PDZRN4: variants seen among roughly 807,000 people sequenced by gnomAD.
PDZRN4 encodes PDZ domain-containing RING finger protein 4.
A neutral mutation model predicts 99.0 loss-of-function variants in PDZRN4; 70 were observed. The ratio of observed to expected loss-of-function variants is 0.71; its 90% confidence interval spans 0.58 to 0.86. PDZRN4 has a LOEUF of 0.86. Among genes scored for constraint, PDZRN4 ranks in the 40% least tolerant of loss-of-function variants. The pLI is 0.00. For missense variants in PDZRN4, 1,474 were observed against 1,331.2 expected (o/e 1.11, Z -1.67); for synonymous variants, 551 against 501.6 (o/e 1.10, Z -1.32).
intron 3 of PDZRN4, among the ~76,000 whole-genome samples, chr12:41,208,994 T>G (rs1364215859): frequency 6.6e-6 from 1 of 152,010 alleles, no homozygotes; most frequent in African/African-American, 2.4e-5. Context: ...AGAAAGTGCT[T>G]AACATGGTTA....
intron 3 of PDZRN4, among the ~76,000 whole-genome samples, chr12:41,211,155 T>G (rs1307120427): frequency 6.6e-6 from 1 of 152,006 alleles, no homozygotes. Flanking sequence ...CTGCCAGAGT[T>G]GCCACACAAG....
At chr12:41,292,494 G>A (rs1406895458) in intron 3 of PDZRN4, among the ~76,000 whole-genome samples, 2 of 152,142 alleles carry the variant, frequency 1.3e-5, no homozygotes, top group Non-Finnish European at 2.9e-5. Context: ...ACCATTTGAG[G>A]TTTTTTCTTG....
chr12:41,543,105 T>C (rs983684596), intron 5 of PDZRN4, among the ~76,000 whole-genome samples: 1 of 152,176 alleles, frequency 6.6e-6, no homozygotes, highest in African/African-American at 2.4e-5. Context: ...TAGCCAACAC[T>C]GAACTTCTCA....
intron 3 of PDZRN4, among the ~76,000 whole-genome samples, chr12:41,459,375 A>C (rs1952848723): frequency 6.6e-6 from 1 of 152,152 alleles, no homozygotes; most frequent in African/African-American, 2.4e-5. Flanking sequence ...GTGCAGCTTA[A>C]AGAGTAGTTG....
At chr12:41,190,192 C>T (rs1481544947) in intron 1 of PDZRN4, among the ~76,000 whole-genome samples, 2 of 152,156 alleles carry the variant, frequency 1.3e-5, no homozygotes, top group Admixed American at 6.5e-5. Flanking sequence ...CTAACTCAGG[C>T]ACTGAGTTTA....
chr12:41,290,232 G>T (rs73122814), intron 3 of PDZRN4, among the ~76,000 whole-genome samples: 249 of 152,268 alleles, frequency 1.6e-3, no homozygotes, highest in Non-Finnish European at 3.0e-3. Flanking sequence ...AGGGAAGACA[G>T]ATTTTTAATA....
chr12:41,526,581 A>G (rs1271978859), intron 5 of PDZRN4, among the ~76,000 whole-genome samples: 1 of 152,212 alleles, frequency 6.6e-6, no homozygotes, highest in Non-Finnish European at 1.5e-5. Flanking sequence ...ATTAAACATA[A>G]ACACAAATTG....
intron 3 of PDZRN4, among the ~76,000 whole-genome samples, chr12:41,452,424 G>T (rs1239157660): frequency 6.9e-6 from 1 of 144,498 alleles, no homozygotes; most frequent in African/African-American, 2.6e-5. Context: ...GGGCGACAAA[G>T]TGAGCCTCCG....
At chr12:41,568,296 A>C (rs1198842293) in intron 9 of PDZRN4, among the ~76,000 whole-genome samples, 1 of 152,190 alleles carries the variant, frequency 6.6e-6, no homozygotes, top group Non-Finnish European at 1.5e-5. Context: ...CTATTTGAAT[A>C]CTTAGGCTAT....
chr12:41,377,596 G>A (rs192894138), intron 3 of PDZRN4, among the ~76,000 whole-genome samples: 22 of 152,050 alleles, frequency 1.4e-4, no homozygotes, highest in African/African-American at 4.1e-4. Flanking sequence ...CCCAGGAGGC[G>A]GAGCTTGCAG....
intron 5 of PDZRN4, among the ~76,000 whole-genome samples, chr12:41,541,449 C>CTT (rs66828349): frequency 1.5e-5 from 2 of 137,370 alleles, no homozygotes; most frequent in Non-Finnish European, 1.6e-5. Flanking sequence ...TTCTTCTAGA[C>CTT]TTTTTTTTTT....
chr12:41,442,858 A>C (rs969870673), intron 3 of PDZRN4, among the ~76,000 whole-genome samples: 1 of 152,124 alleles, frequency 6.6e-6, no homozygotes, highest in African/African-American at 2.4e-5. Context: ...CAGATGGGTA[A>C]TGAGAAAGGC....
At chr12:41,275,237 T>C (rs1951342990) in intron 3 of PDZRN4, among the ~76,000 whole-genome samples, 1 of 152,162 alleles carries the variant, frequency 6.6e-6, no homozygotes, top group African/African-American at 2.4e-5. Context: ...AAGTCCGTAT[T>C]TCAGATAGCC....
At chr12:41,228,797 G>T (rs920875982) in intron 3 of PDZRN4, among the ~76,000 whole-genome samples, 2 of 151,954 alleles carry the variant, frequency 1.3e-5, no homozygotes, top group African/African-American at 4.8e-5. Flanking sequence ...CTATTTCTAT[G>T]AAATTCAATA....
At chr12:41,220,455 G>T (rs964685215) in intron 3 of PDZRN4, among the ~76,000 whole-genome samples, 1 of 152,110 alleles carries the variant, frequency 6.6e-6, no homozygotes, top group African/African-American at 2.4e-5. Flanking sequence ...AGGATTAAGG[G>T]TTTCAACATA....
At chr12:41,475,149 C>T (rs1042664695) in intron 3 of PDZRN4, among the ~76,000 whole-genome samples, 1 of 152,040 alleles carries the variant, frequency 6.6e-6, no homozygotes, top group African/African-American at 2.4e-5. Flanking sequence ...ATCCTCATTG[C>T]CTAACACAGC....
chr12:41,188,865 C>T lies in PDZRN4; in HGVS notation c.410C>T (p.Pro137Leu). 1.7e-6 allele frequency: 2 copies of T among 1,186,692 alleles called. No homozygotes were observed. Among genetic ancestry groups the T allele is most frequent in the Non-Finnish European group, 2.1e-6 (2 of 959,454 alleles). The allele number at this position is 1,186,692 out of a possible 1,614,324, so 73.5% of individuals were successfully genotyped here. The change falls in exon 1 of 10, where the codon CCC (proline) becomes CTC (leucine). Residue 137 changes from proline to leucine, a missense_variant. Coordinates refer to ENST00000402685, the MANE Select transcript of PDZRN4 (RefSeq NM_001164595.2). ...VPARGGCGPT[P>L]RAGRGGGARG... Reference sequence around the variant, plus strand: ...GCGCGGGGGGGCTGCGGTCCGACACCCAGGGCTGGCCGGGGCGGGGGCGCG... The same window carrying T: ...GCGCGGGGGGGCTGCGGTCCGACACTCAGGGCTGGCCGGGGCGGGGGCGCG...
intron 3 of PDZRN4, among the ~76,000 whole-genome samples, chr12:41,272,428 T>G (rs1382427453): frequency 1.3e-5 from 2 of 152,106 alleles, no homozygotes; most frequent in African/African-American, 4.8e-5. Context: ...TAAAGTGACC[T>G]GTTTGACTTA....
intron 3 of PDZRN4, among the ~76,000 whole-genome samples, chr12:41,440,973 A>G (rs1952674376): frequency 6.6e-6 from 1 of 152,184 alleles, no homozygotes; most frequent in Non-Finnish European, 1.5e-5. Flanking sequence ...TTCTGACCTA[A>G]TAACAGATTT....
Sources: allele counts gnomAD v4.1 joint callset (sites outside exome capture counted in the v4.1 genomes callset), GRCh38; gene constraint gnomAD v4.1.1; transcripts MANE v1.5; gene names NCBI Gene and HGNC (gene_info 2026-07-23, HGNC 2026-07-21).